NIF3L1: variants seen among roughly 807,000 people sequenced by gnomAD.
The protein encoded by NIF3L1 is NIF3-like protein 1.
A neutral mutation model predicts 35.0 loss-of-function variants in NIF3L1; 26 were observed. That is an observed-to-expected ratio of 0.74 (90% confidence interval 0.54 to 1.03). The LOEUF (loss-of-function observed/expected upper bound fraction) is 1.03, where lower values mean the gene tolerates loss of function less well. Among genes scored for constraint, NIF3L1 ranks in the 50% least tolerant of loss-of-function variants. The pLI is 0.00. For synonymous variants in NIF3L1, 157 were observed against 178.9 expected (o/e 0.88, Z 0.98); for missense variants, 449 against 466.3 (o/e 0.96, Z 0.34).
At chr2:200,893,127 G>C in intron 2 of NIF3L1, 119 bp from the exon 3 acceptor site, 1 of 693,330 alleles carries the variant, frequency 1.4e-6, no homozygotes, top group Non-Finnish European at 2.3e-6. Flanking sequence ...TGTTATGTAA[G>C]CATGAGAATG....
chr2:200,898,098 G>C (rs181399261), intron 5 of NIF3L1, among the ~76,000 whole-genome samples: 2 of 152,180 alleles, frequency 1.3e-5, no homozygotes, highest in African/African-American at 4.8e-5. Flanking sequence ...AGTATAAAGT[G>C]CTAGCTGTTG....
chr2:200,896,740 G>C (rs567541451), intron 4 of NIF3L1, among the ~76,000 whole-genome samples: 1 of 152,240 alleles, frequency 6.6e-6, no homozygotes, highest in South Asian at 2.1e-4. Context: ...GCACGCCACT[G>C]CCTGGCTAAT....
At position 200,893,306 on chromosome 2, in the gene NIF3L1, A is replaced by G; in HGVS notation, c.497A>G (p.Asn166Ser). Residue 166 changes from asparagine to serine, a missense_variant, in exon 3 of 7, where the codon AAC becomes AGC. Transcript: ENST00000409020. The part of the protein sequence containing the change: ...SKAPNYPTEG[N>S]HRVEFNVNYT... ...GCTCCCAACTACCCTACAGAGGGAAACCACCGAGTAGAATTCAACGTTAAC... is the reference window on the plus strand; with the variant it reads ...GCTCCCAACTACCCTACAGAGGGAAGCCACCGAGTAGAATTCAACGTTAAC... 1.2e-6 allele frequency: 2 copies of G among 1,608,072 alleles called. No homozygotes were observed. Among genetic ancestry groups the G allele is most frequent in the Non-Finnish European group, 1.7e-6 (2 of 1,176,620 alleles).
intron 1 of NIF3L1, chr2:200,890,667 C>A (rs985455199): frequency 6.6e-6 from 1 of 152,288 alleles, no homozygotes; most frequent in East Asian, 1.9e-4. Context: ...ATTTTGGAGC[C>A]AGCAGTTTTT....
rs1289394079 is a variant in NIF3L1, at chr2:200,892,320, C to T, written c.377C>T (p.Pro126Leu). The change falls in exon 2 of 7, where the codon CCT (proline) becomes CTT (leucine). Residue 126 changes from proline to leucine, a missense_variant. Physicochemically the swap from Pro to Leu is moderately conservative, Grantham distance 98. Transcript: ENST00000409020. ...GAGAACAGAGTCGGTATCTACTCTC[C>T]TCATACAGCCTATGATGCTGCGCCC... ...ALENRVGIYSPHTAYDAAPQG... is the reference protein window; with the variant it reads ...ALENRVGIYSLHTAYDAAPQG... 3 of 1,613,322 alleles carry T rather than the reference C, an allele frequency of 1.9e-6. No homozygotes were observed. The highest frequency in any genetic ancestry group is 2.5e-6 in the Non-Finnish European group (3 of 1,180,024).
chr2:200,901,612 G>A (rs1229578926), intron 6 of NIF3L1, among the ~76,000 whole-genome samples: 5 of 152,086 alleles, frequency 3.3e-5, no homozygotes, highest in East Asian at 1.9e-4. Flanking sequence ...ACTTCATCAC[G>A]CTTCCTGTGA....
At chr2:200,901,710 A>G (rs1377368312) in intron 6 of NIF3L1, among the ~76,000 whole-genome samples, 2 of 152,150 alleles carry the variant, frequency 1.3e-5, no homozygotes, top group East Asian at 3.9e-4. Context: ...TTGTAAATTA[A>G]GTTCTCCCAT....
rs1559348601 is a variant in NIF3L1 at position 200,892,286 on chromosome 2, C to CG, written c.346dup (p.Ala116GlyfsTer16). ...CACATGGAAGGAGCGCCTGGTGATCCGGGCTCTGGAGAACAGAGTCGGTAT... is the reference window on the plus strand; with the variant it reads ...CACATGGAAGGAGCGCCTGGTGATCCGGGGCTCTGGAGAACAGAGTCGGTAT... On this transcript the variant is annotated frameshift_variant, in exon 2 of 7. Transcript: ENST00000409020. LOFTEE classifies it high-confidence loss of function. 5 of 1,614,062 alleles carry CG rather than the reference C, an allele frequency of 3.1e-6. No homozygotes were observed. The highest frequency in any genetic ancestry group is 4.2e-6 in the Non-Finnish European group (5 of 1,180,024).
chr2:200,893,125 A>T (rs2040234489), intron 2 of NIF3L1, 121 bp from the exon 3 acceptor site: 4 of 682,226 alleles, frequency 5.9e-6, no homozygotes, highest in Admixed American at 5.9e-5. Context: ...TATGTTATGT[A>T]AGCATGAGAA....
chr2:200,889,734 G>A (rs1247047661), intron 1 of NIF3L1, 82 bp downstream of exon 1: 2 of 152,428 alleles, frequency 1.3e-5, no homozygotes, highest in Non-Finnish European at 1.5e-5. Flanking sequence ...ACTCTAGGAC[G>A]GGAGTTGTTT....
intron 1 of NIF3L1, among the ~76,000 whole-genome samples, chr2:200,890,051 T>TG (rs1174491533): frequency 6.6e-6 from 1 of 152,152 alleles, no homozygotes; most frequent in Non-Finnish European, 1.5e-5. Context: ...TGGAGTACTA[T>TG]GAGGACCATT....
intron 1 of NIF3L1, among the ~76,000 whole-genome samples, chr2:200,890,047 A>G (rs546788842): frequency 6.6e-4 from 101 of 152,306 alleles, no homozygotes; most frequent in African/African-American, 2.4e-3. Context: ...AGAATGGAGT[A>G]CTATGAGGAC....
intron 5 of NIF3L1, chr2:200,899,116 A>C: frequency 3.1e-6 from 1 of 323,168 alleles, no homozygotes; most frequent in Non-Finnish European, 5.7e-6. Flanking sequence ...ATTGTTCCGT[A>C]TTTTGCGCAA....
At chr2:200,899,597 C>A in intron 6 of NIF3L1, 129 bp downstream of exon 6, 1 of 613,626 alleles carries the variant, frequency 1.6e-6, no homozygotes. Flanking sequence ...ACAGAAACTA[C>A]AACAGAACTG....
Position 200,897,134 on chromosome 2 carries a change from T to A in NIF3L1, c.785T>A (p.Leu262Gln), listed in dbSNP as rs754694919. The change falls in exon 5 of 7, where the codon CTG becomes CAG. Residue 262 changes from leucine to glutamine, a missense_variant. Coordinates refer to ENST00000409020, the MANE Select transcript of NIF3L1 (RefSeq NM_001369441.2). The stretch of plus-strand genomic sequence containing the variant: ...TGCACACTGGATGAATCTGTCTCCC[T>A]GGCAACCATGATTGATCGAATAAAA... ...RLCTLDESVSLATMIDRIKRH... is the reference protein window; with the variant it reads ...RLCTLDESVSQATMIDRIKRH... 6.2e-7 allele frequency: 1 copy of A among 1,614,066 alleles called. No individual in the cohort carries two copies. The highest frequency in any genetic ancestry group is 8.5e-7 in the Non-Finnish European group (1 of 1,179,942).
At chr2:200,898,864 C>G (rs988013797) in intron 5 of NIF3L1, among the ~76,000 whole-genome samples, 2 of 152,104 alleles carry the variant, frequency 1.3e-5, no homozygotes, top group African/African-American at 4.8e-5. Flanking sequence ...GCTTCCTCAC[C>G]TGAGAATAGA....
intron 5 of NIF3L1, among the ~76,000 whole-genome samples, chr2:200,897,538 A>G (rs1559350537): frequency 6.6e-6 from 1 of 152,168 alleles, no homozygotes. Context: ...TCCAGGAAAC[A>G]TGTTAATTTC....
rs1336743944 is a variant in NIF3L1 at position 200,893,396 on chromosome 2, CT to C, written c.592del (p.Ser198LeufsTer14). On this transcript the variant is annotated frameshift_variant, in exon 3 of 7. Coordinates refer to ENST00000409020, the MANE Select transcript of NIF3L1 (RefSeq NM_001369441.2). LOFTEE classifies it high-confidence loss of function. Reference protein sequence around the residue: ...VKGIDGVSVTSFSARTGNEEQ... With the variant: ...VKGIDGVSVTXFSARTGNEEQ... The stretch of plus-strand genomic sequence containing the variant: ...GGAATTGACGGTGTTTCTGTCACTT[CT>C]TTTTCTGCTAGGTACAATTTATTTT... 1 of 1,613,634 alleles carries C rather than the reference CT, an allele frequency of 6.2e-7. No homozygotes were observed. Among genetic ancestry groups the C allele is most frequent in the African/African-American group, 1.3e-5 (1 of 74,868 alleles).
At chr2:200,889,341 C>T (rs1292658716), upstream of NIF3L1, 2 of 280,702 alleles carry the variant, frequency 7.1e-6, no homozygotes, top group Non-Finnish European at 1.4e-5. Flanking sequence ...GCCACAGCAT[C>T]CGGAGCGCCG....
Sources: allele counts gnomAD v4.1 joint callset (sites outside exome capture counted in the v4.1 genomes callset), GRCh38; gene constraint gnomAD v4.1.1; transcripts MANE v1.5; gene names NCBI Gene and HGNC (gene_info 2026-07-23, HGNC 2026-07-21).